The following PTER variants were observed in gnomAD, a reference collection of about 807,000 sequenced individuals.
PTER encodes the protein N-acetyltaurine hydrolase.
A neutral mutation model predicts 29.6 loss-of-function variants in PTER; 38 were observed. The observed-to-expected ratio is 1.28, with a 90% CI of 0.99 to 1.68. The LOEUF (loss-of-function observed/expected upper bound fraction) is 1.68, where lower values mean the gene tolerates loss of function less well. Among genes scored for constraint, PTER ranks in the 40% most tolerant of loss-of-function variants. The pLI is 0.00. For synonymous variants in PTER, 172 were observed against 154.5 expected, an observed-to-expected ratio of 1.11 and a Z score of -0.84; for missense variants, 482 against 427.8, an observed-to-expected ratio of 1.13 and a Z score of -1.12.
chr10:16,456,357 T>C (rs1203360633), intron 1 of PTER, among the ~76,000 whole-genome samples: 1 of 152,196 alleles, frequency 6.6e-6, no homozygotes, highest in Non-Finnish European at 1.5e-5. Flanking sequence ...GTAGTTCTCC[T>C]GTGGTGTCCC....
intron 3 of PTER, among the ~76,000 whole-genome samples, chr10:16,489,930 AC>A (rs1835838085): frequency 6.6e-6 from 1 of 152,204 alleles, no homozygotes; most frequent in African/African-American, 2.4e-5. Flanking sequence ...CTCAAGGGAG[AC>A]TTTTTCTCAA....
chr10:16,510,936 G>T lies in PTER; in HGVS notation c.840-110G>T, dbSNP rs1413629013. 9.4e-6 allele frequency: 8 copies of T among 852,520 alleles called. No individual in the cohort carries two copies. The Admixed American group carries it at 1.4e-4, about 15-fold the overall frequency. The allele number at this position is 852,520 out of a possible 1,614,324, so 52.8% of individuals were successfully genotyped here. Reference sequence around the variant, plus strand: ...TCTCAGTACACACGCCACAGTAGAAGTCAGTATCTTTACGACAAGCACAAT... The same window carrying T: ...TCTCAGTACACACGCCACAGTAGAATTCAGTATCTTTACGACAAGCACAAT... On this transcript the variant is annotated intron_variant, in intron 4 of 4. Transcript: ENST00000535784.
chr10:16,503,788 C>A (rs11254035), intron 3 of PTER, among the ~76,000 whole-genome samples: 3 of 152,132 alleles, frequency 2.0e-5, no homozygotes, highest in African/African-American at 4.8e-5. Flanking sequence ...GATTCACCCA[C>A]CTCGGCCTCA....
At chr10:16,456,151 G>A (rs1384383857) in intron 1 of PTER, among the ~76,000 whole-genome samples, 1 of 152,110 alleles carries the variant, frequency 6.6e-6, no homozygotes, top group African/African-American at 2.4e-5. Context: ...TTCTAAATCT[G>A]TTCACCTGTG....
intron 3 of PTER, among the ~76,000 whole-genome samples, chr10:16,498,950 C>T (rs1423126223): frequency 6.6e-5 from 10 of 152,178 alleles, no homozygotes; most frequent in Admixed American, 6.5e-4. Flanking sequence ...GATGTCACTA[C>T]GATGGTGAGT....
At chr10:16,447,543 A>G (rs1046509058) in intron 1 of PTER, among the ~76,000 whole-genome samples, 5 of 152,168 alleles carry the variant, frequency 3.3e-5, no homozygotes, top group African/African-American at 1.2e-4. Context: ...TTATTACTAT[A>G]TAACATAACA....
intron 3 of PTER, among the ~76,000 whole-genome samples, chr10:16,500,340 C>G (rs1836286664): frequency 6.6e-6 from 1 of 152,022 alleles, no homozygotes; most frequent in Non-Finnish European, 1.5e-5. Context: ...GCCTCAAACT[C>G]TTGGGCTCAA....
At chr10:16,446,641 C>G (rs1454369470) in intron 1 of PTER, among the ~76,000 whole-genome samples, 1 of 152,128 alleles carries the variant, frequency 6.6e-6, no homozygotes, top group Non-Finnish European at 1.5e-5. Context: ...TATGCAGTTT[C>G]TTAGCATTAG....
intron 4 of PTER, among the ~76,000 whole-genome samples, chr10:16,508,070 C>CTTTT (rs56800279): frequency 2.3e-5 from 3 of 127,878 alleles, no homozygotes; most frequent in Non-Finnish European, 3.2e-5. Context: ...TTTTCTTTTT[C>CTTTT]TTTTTTTTTT....
intron 3 of PTER, among the ~76,000 whole-genome samples, chr10:16,501,268 T>C (rs537787570): frequency 6.6e-6 from 1 of 151,628 alleles, no homozygotes; most frequent in South Asian, 2.1e-4. Flanking sequence ...GACTTCACAC[T>C]AGTGTTTAGT....
chr10:16,509,223 G>A (rs1836716479), intron 4 of PTER, among the ~76,000 whole-genome samples: 1 of 152,128 alleles, frequency 6.6e-6, no homozygotes, highest in African/African-American at 2.4e-5. Flanking sequence ...TTTAGTGTAA[G>A]CAGGACGGGG....
intron 1 of PTER, among the ~76,000 whole-genome samples, chr10:16,444,395 G>C (rs1040385610): frequency 4.0e-5 from 6 of 151,726 alleles, no homozygotes; most frequent in Admixed American, 6.6e-5. Flanking sequence ...ATCCTCCTGA[G>C]TAGCTGGATT....
At chr10:16,502,969 A>G (rs1321810337) in intron 3 of PTER, among the ~76,000 whole-genome samples, 1 of 139,752 alleles carries the variant, frequency 7.2e-6, no homozygotes, top group East Asian at 2.3e-4. Flanking sequence ...AGCCTGGGCG[A>G]CAGAGGGAGA....
At chr10:16,497,224 A>G (rs1204561940) in intron 3 of PTER, among the ~76,000 whole-genome samples, 1 of 152,138 alleles carries the variant, frequency 6.6e-6, no homozygotes, top group African/African-American at 2.4e-5. Flanking sequence ...CATGAGCCAT[A>G]TGCCCAGCCT....
At chr10:16,517,838 C>G (rs1000578398), downstream of PTER, among the ~76,000 whole-genome samples, 1 of 152,114 alleles carries the variant, frequency 6.6e-6, no homozygotes, top group South Asian at 2.1e-4. Context: ...TTTCATTGTA[C>G]TTCTGTGGAA....
intron 2 of PTER, among the ~76,000 whole-genome samples, chr10:16,486,005 C>G (rs1332342480): frequency 6.6e-6 from 1 of 152,072 alleles, no homozygotes; most frequent in Non-Finnish European, 1.5e-5. Flanking sequence ...GGCGGTCTTT[C>G]TATATTCTAG....
intron 1 of PTER, among the ~76,000 whole-genome samples, chr10:16,481,192 C>T (rs776911011): frequency 6.6e-6 from 1 of 152,250 alleles, no homozygotes; most frequent in Non-Finnish European, 1.5e-5. Context: ...TTCTCACTAG[C>T]TTCTGTGCCG....
chr10:16,438,387 C>A (rs1173607962), intron 1 of PTER, among the ~76,000 whole-genome samples: 1 of 151,922 alleles, frequency 6.6e-6, no homozygotes, highest in African/African-American at 2.4e-5. Context: ...ACCTTCACTT[C>A]CCCCGTTCAA....
intron 1 of PTER, among the ~76,000 whole-genome samples, chr10:16,448,536 C>A (rs1053878902): frequency 6.6e-6 from 1 of 152,294 alleles, no homozygotes; most frequent in Middle Eastern, 3.4e-3. Context: ...TCGACAGGCC[C>A]CACACCGCTG....
Sources: allele counts gnomAD v4.1 joint callset (sites outside exome capture counted in the v4.1 genomes callset), GRCh38; gene constraint gnomAD v4.1.1; transcripts MANE v1.5; gene names NCBI Gene and HGNC (gene_info 2026-07-23, HGNC 2026-07-21).